Variants in CTNNA3 observed in about 807,000 individuals in gnomAD.
CTNNA3 encodes catenin alpha 3.
A neutral mutation model predicts 95.7 loss-of-function variants in CTNNA3; 76 were observed. The ratio of observed to expected loss-of-function variants is 0.79; its 90% CI spans 0.66 to 0.96. The LOEUF (loss-of-function observed/expected upper bound fraction) is 0.96. CTNNA3 is among the 40% of genes least tolerant of loss of function. CTNNA3 has a pLI of 0.00. For missense variants in CTNNA3, 1,191 were observed against 1,089.8 expected, an observed-to-expected ratio of 1.09 and a Z score of -1.31; for synonymous variants, 431 against 374.4, an observed-to-expected ratio of 1.15 and a Z score of -1.74.
At chr10:66,743,985 A>AAAAG (rs1849416922) in intron 9 of CTNNA3, among the ~76,000 whole-genome samples, 1 of 129,236 alleles carries the variant, frequency 7.7e-6, no homozygotes, top group South Asian at 2.7e-4. Flanking sequence ...AAAAAAAAAA[A>AAAAG]AAAAAAAAAA....
chr10:66,481,884 A>G (rs988098291), intron 11 of CTNNA3, among the ~76,000 whole-genome samples: 1 of 152,154 alleles, frequency 6.6e-6, no homozygotes, highest in Non-Finnish European at 1.5e-5. Context: ...TTATCTTTAA[A>G]CAGCACAGCA....
chr10:67,680,651 G>C (rs1202015173), intron 1 of CTNNA3, among the ~76,000 whole-genome samples: 2 of 152,202 alleles, frequency 1.3e-5, no homozygotes, highest in African/African-American at 4.8e-5. Context: ...GCTTAAACCA[G>C]CTAAAGTAGA....
chr10:66,685,352 T>TAA (rs1387088025), intron 9 of CTNNA3, among the ~76,000 whole-genome samples: 1 of 10,246 alleles, frequency 9.8e-5, no homozygotes, highest in African/African-American at 4.9e-4. Context: ...TATATATATA[T>TAA]TTTTTTTTTT....
intron 7 of CTNNA3, among the ~76,000 whole-genome samples, chr10:66,919,885 T>C (rs991135304): frequency 3.9e-5 from 6 of 152,210 alleles, no homozygotes; most frequent in Admixed American, 3.9e-4. Flanking sequence ...AACCCTGATA[T>C]ATTGTTGGGT....
intron 8 of CTNNA3, among the ~76,000 whole-genome samples, chr10:66,773,282 T>G (rs1346999305): frequency 6.6e-6 from 1 of 152,184 alleles, no homozygotes; most frequent in Non-Finnish European, 1.5e-5. Flanking sequence ...CTACTCCTAT[T>G]GAACTGGGAC....
chr10:67,307,715 T>G lies in CTNNA3; in HGVS notation c.580-87845A>C, dbSNP rs182019525. Among the ~76,000 whole-genome samples, 117 of 152,274 alleles carry G rather than the reference T, an allele frequency of 7.7e-4. 1 individual carries two copies. The highest frequency in any genetic ancestry group is 2.7e-3 in the African/African-American group (113 of 41,548). The stretch of plus-strand genomic sequence containing the variant: ...CCTATCACCTCTTTCTAAGACTGAG[T>G]GTACAACCTATACCCCCAAACCTCA... On this transcript the variant is annotated intron_variant, in intron 5 of 17. Coordinates refer to ENST00000433211, the MANE Select transcript of CTNNA3 (RefSeq NM_013266.4).
chr10:66,412,572 T>C (rs757368838), intron 11 of CTNNA3, among the ~76,000 whole-genome samples: 1 of 151,300 alleles, frequency 6.6e-6, no homozygotes, highest in Admixed American at 6.6e-5. Context: ...ACCATTCTCC[T>C]TCTCAGCCTC....
intron 5 of CTNNA3, among the ~76,000 whole-genome samples, chr10:67,512,361 T>G (rs1471804264): frequency 6.6e-6 from 1 of 152,182 alleles, no homozygotes; most frequent in Non-Finnish European, 1.5e-5. Context: ...AGAACTATTA[T>G]ATGATCCAGC....
intron 13 of CTNNA3, among the ~76,000 whole-genome samples, chr10:66,136,301 T>C (rs912656594): frequency 4.6e-5 from 7 of 152,202 alleles, no homozygotes; most frequent in Non-Finnish European, 8.8e-5. Context: ...TGCCAAATTG[T>C]CTTCAATTCA....
Position 66,049,429 on chromosome 10 carries a change from A to G in CTNNA3, c.2159+19879T>C, listed in dbSNP as rs534249502. Among the ~76,000 whole-genome samples, 61 of 152,340 alleles carry G rather than the reference A, an allele frequency of 4.0e-4. No homozygotes were observed. In the South Asian group the frequency reaches 0.012, roughly 30 times the overall value. ...AACTACCATTCGGCTCAGCAATCCT[A>G]TTACTGGGTAAATACCCAGAGGAAT... is the stretch of plus-strand genomic sequence containing the variant. On this transcript the variant is annotated intron_variant, in intron 15 of 17. Coordinates refer to ENST00000433211, the MANE Select transcript of CTNNA3 (RefSeq NM_013266.4).
At chr10:66,357,549 T>C (rs1024088429) in intron 12 of CTNNA3, among the ~76,000 whole-genome samples, 11 of 152,134 alleles carry the variant, frequency 7.2e-5, no homozygotes, top group African/African-American at 2.7e-4. Context: ...CTTATATATA[T>C]TTTCCTATTG....
intron 10 of CTNNA3, among the ~76,000 whole-genome samples, chr10:66,528,912 G>GA (rs1841363612): frequency 6.6e-6 from 1 of 151,906 alleles, no homozygotes; most frequent in East Asian, 1.9e-4. Context: ...AAAAAGAAAA[G>GA]AAAAAAGTTT....
chr10:66,313,019 C>T (rs1589070445), intron 12 of CTNNA3, among the ~76,000 whole-genome samples: 2 of 152,186 alleles, frequency 1.3e-5, no homozygotes, highest in African/African-American at 4.8e-5. Context: ...CAAATCATAA[C>T]TTCACCATTA....
At chr10:66,652,588 T>C (rs532877001) in intron 9 of CTNNA3, among the ~76,000 whole-genome samples, 1 of 152,288 alleles carries the variant, frequency 6.6e-6, no homozygotes, top group South Asian at 2.1e-4. Context: ...CCAATCCTTC[T>C]CAAACTCTTC....
intron 7 of CTNNA3, among the ~76,000 whole-genome samples, chr10:67,101,547 A>T (rs1181243141): frequency 2.0e-5 from 3 of 151,640 alleles, no homozygotes; most frequent in Non-Finnish European, 4.4e-5. Context: ...TTACTGATCA[A>T]CTCATTTTTG....
intron 13 of CTNNA3, among the ~76,000 whole-genome samples, chr10:66,272,945 C>T (rs950910607): frequency 1.3e-5 from 2 of 152,290 alleles, no homozygotes; most frequent in Admixed American, 1.3e-4. Flanking sequence ...AATGCCTTTT[C>T]CATCTTAACT....
chr10:66,014,797 G>A (rs1187923583), intron 15 of CTNNA3, among the ~76,000 whole-genome samples: 1 of 152,162 alleles, frequency 6.6e-6, no homozygotes, highest in Non-Finnish European at 1.5e-5. Flanking sequence ...TGCAGTTCTA[G>A]ATCACGCTAT....
At chr10:67,290,516 G>A (rs1839793874) in intron 5 of CTNNA3, among the ~76,000 whole-genome samples, 1 of 152,088 alleles carries the variant, frequency 6.6e-6, no homozygotes, top group African/African-American at 2.4e-5. Context: ...TTTTCTATGT[G>A]CCAGGATGTG....
At chr10:67,501,747 G>C (rs538704148) in intron 5 of CTNNA3, among the ~76,000 whole-genome samples, 1 of 151,994 alleles carries the variant, frequency 6.6e-6, no homozygotes, top group Admixed American at 6.6e-5. Context: ...TCTTCCGCTT[G>C]ATCGATTCAG....
Sources: gnomAD v4.1 joint callset for allele counts (sites outside exome capture counted in the v4.1 genomes callset) on GRCh38, gnomAD v4.1.1 for gene constraint, MANE v1.5 for transcripts, NCBI Gene and HGNC (gene_info 2026-07-23, HGNC 2026-07-21) for gene names.